The following BARX2 variants were observed in gnomAD, a reference collection of about 807,000 sequenced individuals.
BARX2 encodes homeobox protein BarH-like 2.
Under a neutral mutation model 25.5 loss-of-function variants are expected in BARX2, and 11 were observed. The observed-to-expected ratio is 0.43, with a 90% CI of 0.27 to 0.71. The LOEUF is 0.71. Among genes scored for constraint, BARX2 ranks in the 30% least tolerant of loss-of-function variants. BARX2 has a pLI of 0.19. For synonymous variants in BARX2, 137 were observed against 149.5 expected (o/e 0.92, Z 0.61); for missense variants, 360 against 359.9 (o/e 1.00, Z 0.00).
At position 129,390,233 on chromosome 11, in the gene BARX2, TG is replaced by T. The variant is rs1469423105; in HGVS notation, c.187+14013del. ...GATGATTCCGACAGGCAATCTCTAGTGGCCTCATCCAGGTTCTGTGGTGGGT... is the reference window on the plus strand; with the variant it reads ...GATGATTCCGACAGGCAATCTCTAGTGCCTCATCCAGGTTCTGTGGTGGGT... On this transcript the variant is annotated intron_variant, in intron 1 of 3. Transcript: ENST00000281437. The surrounding 1 kb of genome is among the most constrained non-coding windows in gnomAD (Gnocchi z 4.3). Among the ~76,000 whole-genome samples, 1 of 152,194 alleles carries T rather than the reference TG, an allele frequency of 6.6e-6. No individual in the cohort carries two copies. Among genetic ancestry groups the T allele is most frequent in the African/African-American group, 2.4e-5 (1 of 41,442 alleles).
At chr11:129,382,616 C>G (rs55963078) in intron 1 of BARX2, among the ~76,000 whole-genome samples, 1 of 132,286 alleles carries the variant, frequency 7.6e-6, no homozygotes, top group Non-Finnish European at 1.7e-5. Flanking sequence ...TTGACAAGCT[C>G]TCAGCTGGAA....
At chr11:129,416,449 G>A (rs1257085612) in intron 1 of BARX2, among the ~76,000 whole-genome samples, 13 of 152,234 alleles carry the variant, frequency 8.5e-5, no homozygotes, top group Non-Finnish European at 1.8e-4. Flanking sequence ...TTTCTCAGGA[G>A]GAAGGAGTTG....
intron 1 of BARX2, among the ~76,000 whole-genome samples, chr11:129,414,635 A>T (rs1427878163): frequency 1.3e-5 from 2 of 152,214 alleles, no homozygotes; most frequent in South Asian, 2.1e-4. Flanking sequence ...CAAATCCCAT[A>T]TTAGCATTAC....
chr11:129,413,198 T>C (rs58614630), intron 1 of BARX2, among the ~76,000 whole-genome samples: 24,196 of 152,240 alleles, frequency 0.16, 2,138 homozygotes, highest in East Asian at 0.36. Flanking sequence ...TCTCGTAATA[T>C]ATTTTTGAGC....
At chr11:129,446,062 C>T (rs956651130) in intron 3 of BARX2, among the ~76,000 whole-genome samples, 31 of 152,252 alleles carry the variant, frequency 2.0e-4, no homozygotes, top group African/African-American at 6.5e-4. Flanking sequence ...AATTCTGACC[C>T]GTCAGCATTG....
At chr11:129,381,960 T>C (rs1465960471) in intron 1 of BARX2, among the ~76,000 whole-genome samples, 1 of 152,122 alleles carries the variant, frequency 6.6e-6, no homozygotes, top group African/African-American at 2.4e-5. Context: ...ATGGCTAAAG[T>C]TGATTCTACT....
At chr11:129,377,859 G>A (rs1315567886) in intron 1 of BARX2, among the ~76,000 whole-genome samples, 4 of 152,188 alleles carry the variant, frequency 2.6e-5, no homozygotes, top group Admixed American at 6.6e-5. Flanking sequence ...TGACTTGAAG[G>A]CAGCTTTTCC....
At chr11:129,446,819 G>A (rs986286015) in intron 3 of BARX2, among the ~76,000 whole-genome samples, 1 of 152,140 alleles carries the variant, frequency 6.6e-6, no homozygotes, top group African/African-American at 2.4e-5. Context: ...GCAGTGTCTG[G>A]GAGGAGATTC....
At chr11:129,443,117 A>G (rs1306902049) in intron 3 of BARX2, among the ~76,000 whole-genome samples, 198 bp downstream of exon 3, 1 of 151,394 alleles carries the variant, frequency 6.6e-6, no homozygotes, top group Non-Finnish European at 1.5e-5. Flanking sequence ...AAACAGAGGG[A>G]TATTCTTTTT....
At chr11:129,443,156 A>G (rs1257773011) in intron 3 of BARX2, among the ~76,000 whole-genome samples, 1 of 152,160 alleles carries the variant, frequency 6.6e-6, no homozygotes, top group African/African-American at 2.4e-5. Flanking sequence ...AAGGAAAAAA[A>G]GCTTACAGGC....
chr11:129,388,328 G>T (rs974608185), intron 1 of BARX2, among the ~76,000 whole-genome samples: 1 of 152,126 alleles, frequency 6.6e-6, no homozygotes, highest in African/African-American at 2.4e-5. Context: ...GTGATTGGGA[G>T]ATTGCAGACC....
At chr11:129,378,152 G>A (rs944588959) in intron 1 of BARX2, among the ~76,000 whole-genome samples, 5 of 152,174 alleles carry the variant, frequency 3.3e-5, no homozygotes, top group African/African-American at 1.2e-4. Flanking sequence ...TGTTGGCAAT[G>A]GTTTTCTGGC....
intron 2 of BARX2, among the ~76,000 whole-genome samples, chr11:129,442,420 T>C (rs1292409600): frequency 6.6e-6 from 1 of 152,148 alleles, no homozygotes; most frequent in African/African-American, 2.4e-5. Context: ...GGACCGGGGC[T>C]GGGTCTGGAA....
intron 3 of BARX2, among the ~76,000 whole-genome samples, chr11:129,445,817 G>A (rs967861188): frequency 2.6e-5 from 4 of 152,156 alleles, no homozygotes; most frequent in Admixed American, 2.6e-4. Context: ...CGCAGAGAGT[G>A]GAATAGCAAG....
At chr11:129,388,299 G>A (rs1029675907) in intron 1 of BARX2, among the ~76,000 whole-genome samples, 1 of 152,084 alleles carries the variant, frequency 6.6e-6, no homozygotes, top group Non-Finnish European at 1.5e-5. Flanking sequence ...GAGGCGGTGG[G>A]GTTTTGCGGG....
At chr11:129,415,548 T>G (rs1240889171) in intron 1 of BARX2, among the ~76,000 whole-genome samples, 1 of 152,184 alleles carries the variant, frequency 6.6e-6, no homozygotes, top group Non-Finnish European at 1.5e-5. Flanking sequence ...CCATTACTTT[T>G]GATATGTCTC....
rs145968115 is a variant in BARX2, at chr11:129,385,261, G to A, written c.187+9039G>A. ...GGCAACAAATGGCAAAGCTGCAGAC[G>A]CACATACCCTAGGGCTCAGCAGTTC... On this transcript the variant is annotated intron_variant, in intron 1 of 3. Transcript: ENST00000281437. Among the ~76,000 whole-genome samples the A allele has an allele frequency of 7.8e-3, 1,192 of 152,232 alleles. 7 individuals are homozygous for A. Among genetic ancestry groups the A allele is most frequent in the Non-Finnish European group, 0.014 (937 of 68,014 alleles).
At chr11:129,395,682 C>T (rs1047118111) in intron 1 of BARX2, among the ~76,000 whole-genome samples, 3 of 152,150 alleles carry the variant, frequency 2.0e-5, no homozygotes, top group Non-Finnish European at 4.4e-5. Flanking sequence ...TGCTGGTCAG[C>T]TCTGCATTTG....
At chr11:129,411,603 C>T (rs1341535897) in intron 1 of BARX2, among the ~76,000 whole-genome samples, 2 of 152,110 alleles carry the variant, frequency 1.3e-5, no homozygotes, top group Non-Finnish European at 2.9e-5. Context: ...GGTTTACATA[C>T]CCAAAGACAG....
Sources: allele counts gnomAD v4.1 joint callset (sites outside exome capture counted in the v4.1 genomes callset), GRCh38; gene constraint gnomAD v4.1.1; non-coding constraint Gnocchi (gnomAD v3.1); transcripts MANE v1.5; gene names NCBI Gene and HGNC (gene_info 2026-07-23, HGNC 2026-07-21).